Variants in GLIS3 observed in about 807,000 individuals in gnomAD.
GLIS3 encodes GLIS family zinc finger 3.
A neutral mutation model predicts 78.6 loss-of-function variants in GLIS3; 53 were observed. The ratio of observed to expected loss-of-function variants is 0.67; its 90% CI spans 0.54 to 0.85. The LOEUF (loss-of-function observed/expected upper bound fraction) is 0.85. GLIS3 is among the 40% of genes least tolerant of loss of function. GLIS3 has a pLI of 0.00. For missense variants in GLIS3, 1,703 were observed against 1,231.1 expected (o/e 1.38, Z -5.74); for synonymous variants, 684 against 509.9 (o/e 1.34, Z -4.60).
At chr9:3,967,027 A>AAAAAAAC in intron 4 of GLIS3, among the ~76,000 whole-genome samples, 1 of 141,720 alleles carries the variant, frequency 7.1e-6, no homozygotes. Flanking sequence ...AAAAAAAAAA[A>AAAAAAAC]AAAAAACAAA....
chr9:4,157,705 A>G (rs987051102), intron 2 of GLIS3, among the ~76,000 whole-genome samples: 4 of 152,166 alleles, frequency 2.6e-5, no homozygotes, highest in Admixed American at 1.3e-4. Context: ...TAGTGCATGC[A>G]TTACAGGAGG....
intron 2 of GLIS3, among the ~76,000 whole-genome samples, chr9:4,340,802 G>T (rs917326410): frequency 1.3e-5 from 2 of 152,072 alleles, no homozygotes; most frequent in African/African-American, 4.8e-5. Context: ...TCAAGCAATT[G>T]TCCCTGCCTC....
chr9:4,357,860 G>C, the GLIS3 span, among the ~76,000 whole-genome samples: 1 of 152,194 alleles, frequency 6.6e-6, no homozygotes, highest in Non-Finnish European at 1.5e-5. Context: ...TGTCAATGGT[G>C]CCTCTGAAGT....
the GLIS3 span, among the ~76,000 whole-genome samples, chr9:4,424,487 C>T: frequency 6.6e-6 from 1 of 152,172 alleles, no homozygotes; most frequent in Non-Finnish European, 1.5e-5. Context: ...AAAGGTCTAA[C>T]GTGGTCTCTT....
rs1297500350 is a variant in GLIS3, at chr9:3,977,774, AAAGAGGAGAAAAAAAT to A, written c.1711-40601_1711-40586del. On this transcript the variant is annotated intron_variant, in intron 4 of 10. Coordinates refer to ENST00000381971, the MANE Select transcript of GLIS3 (RefSeq NM_001042413.2). The surrounding 1 kb of genome is among the most constrained non-coding windows in gnomAD (Gnocchi z 4.1). ...ATTCATCTTGACTACCCCTTTCACC[AAAGAGGAGAAAAAAAT>A]ATTCTTAATTGAATTGAACCAGGAA... 6.6e-6 allele frequency among the ~76,000 whole-genome samples: 1 copy of A among 152,190 alleles called. No homozygotes were observed. Among genetic ancestry groups the A allele is most frequent in the Non-Finnish European group, 1.5e-5 (1 of 68,022 alleles).
intron 4 of GLIS3, among the ~76,000 whole-genome samples, chr9:4,037,969 C>T (rs932655864): frequency 1.3e-5 from 2 of 151,832 alleles, no homozygotes; most frequent in Non-Finnish European, 2.9e-5. Context: ...AAAAAAATCA[C>T]TTCATTGGAT....
At chr9:4,385,806 AAAGAAAAGAAAGAAAGAG>A in the GLIS3 span, among the ~76,000 whole-genome samples, 10 of 61,796 alleles carry the variant, frequency 1.6e-4, no homozygotes, top group African/African-American at 3.8e-4. Flanking sequence ...AGAAAGAAAG[AAAGAAAAGAAAGAAAGAG>A]AAAAGAAAGA....
intron 2 of GLIS3, among the ~76,000 whole-genome samples, chr9:4,280,555 G>A (rs1478665381): frequency 1.3e-5 from 2 of 152,034 alleles, no homozygotes. Flanking sequence ...AACAGCAGAA[G>A]GCCAGATCAA....
At chr9:4,061,007 G>C (rs180682812) in intron 4 of GLIS3, among the ~76,000 whole-genome samples, 1 of 151,258 alleles carries the variant, frequency 6.6e-6, no homozygotes, top group Non-Finnish European at 1.5e-5. Context: ...CCAATACCCC[G>C]TTCTTCTGGT....
rs116597925 is a variant in GLIS3 at position 3,962,751 on chromosome 9, G to C, written c.1711-25562C>G. Among the ~76,000 whole-genome samples the C allele has an allele frequency of 5.6e-3, 857 of 152,276 alleles. 7 individuals carry two copies. Among genetic ancestry groups the C allele is most frequent in the African/African-American group, 0.019 (800 of 41,548 alleles). On this transcript the variant is annotated intron_variant, in intron 4 of 10. Coordinates refer to ENST00000381971, the MANE Select transcript of GLIS3 (RefSeq NM_001042413.2). ...TTTCATGGGAGTCACAGATTCAGCT[G>C]AGTGCTAATGATGTCATTTGGTCTT...
Position 4,019,337 on chromosome 9 carries a change from A to C in GLIS3, c.1711-82148T>G, listed in dbSNP as rs12344773. Among the ~76,000 whole-genome samples the C allele has an allele frequency of 3.0e-3, 463 of 152,288 alleles. 4 individuals are homozygous for C. Among genetic ancestry groups the C allele is most frequent in the African/African-American group, 0.011 (451 of 41,556 alleles). ...TTTGCCTGACATCACAGAGCCAGCA[A>C]AGAAATACAGAGGTAGGAATAGACA... On this transcript the variant is annotated intron_variant, in intron 4 of 10. Transcript: ENST00000381971.
At chr9:4,006,725 T>G (rs1169669653) in intron 4 of GLIS3, among the ~76,000 whole-genome samples, 1 of 152,218 alleles carries the variant, frequency 6.6e-6, no homozygotes, top group African/African-American at 2.4e-5. Context: ...AGATTTAAAA[T>G]CCAAGCTGGC....
intron 2 of GLIS3, among the ~76,000 whole-genome samples, chr9:4,271,385 C>T (rs188853008): frequency 6.6e-6 from 1 of 152,142 alleles, no homozygotes; most frequent in Non-Finnish European, 1.5e-5. Flanking sequence ...GGGGGGTCAG[C>T]ACCCCTAACC....
At chr9:4,382,956 C>T in the GLIS3 span, among the ~76,000 whole-genome samples, 1 of 152,210 alleles carries the variant, frequency 6.6e-6, no homozygotes, top group African/African-American at 2.4e-5. Flanking sequence ...TTTGACCTTA[C>T]CTGGATTCAC....
In GLIS3 at chr9:3,944,103, T is replaced by A. The variant is rs139393905; in HGVS notation, c.1711-6914A>T. 2.2e-4 allele frequency among the ~76,000 whole-genome samples: 34 copies of A among 152,254 alleles called. No homozygotes were observed. In the East Asian group the frequency reaches 3.9e-3, roughly 17 times the overall value. On this transcript the variant is annotated intron_variant, in intron 4 of 10. Transcript: ENST00000381971. ...AAAGGAATATGTTGCTTTTTAACAT[T>A]TGGGTCATGAGGAAGCAGCTGATTC...
At chr9:3,995,215 A>G (rs1820651404) in intron 4 of GLIS3, among the ~76,000 whole-genome samples, 2 of 152,170 alleles carry the variant, frequency 1.3e-5, no homozygotes, top group African/African-American at 4.8e-5. Flanking sequence ...AGGATTTTTA[A>G]CCAGAAAACC....
At chr9:3,969,342 G>A (rs1247726145) in intron 4 of GLIS3, among the ~76,000 whole-genome samples, 2 of 151,978 alleles carry the variant, frequency 1.3e-5, no homozygotes, top group Admixed American at 6.6e-5. Flanking sequence ...TCAAAAGCGA[G>A]CAAACCTTGT....
At chr9:3,919,619 C>A (rs1241408236) in intron 6 of GLIS3, among the ~76,000 whole-genome samples, 1 of 150,248 alleles carries the variant, frequency 6.7e-6, no homozygotes, top group Non-Finnish European at 1.5e-5. Flanking sequence ...TGCACATGTA[C>A]CCCTGAACTT....
the GLIS3 span, among the ~76,000 whole-genome samples, chr9:4,453,345 C>CA: frequency 0.2 from 18,508 of 91,226 alleles, 1,971 homozygotes; most frequent in South Asian, 0.26. Flanking sequence ...TTCTGCACAG[C>CA]AAAAAAAAAA....
Sources: allele counts gnomAD v4.1 joint callset (sites outside exome capture counted in the v4.1 genomes callset), GRCh38; gene constraint gnomAD v4.1.1; non-coding constraint Gnocchi (gnomAD v3.1); transcripts MANE v1.5; gene names NCBI Gene and HGNC (gene_info 2026-07-23, HGNC 2026-07-21).